Variants in CAPN14 observed in about 807,000 individuals in gnomAD.
CAPN14 encodes the protein calpain 14.
CAPN14 carries 94 observed loss-of-function variants against 101.3 expected under a neutral mutation model. That is an observed-to-expected ratio of 0.93 (90% CI 0.79 to 1.10). CAPN14 has a LOEUF of 1.10. CAPN14 is among the 50% of genes least tolerant of loss of function. The pLI is 0.00. For synonymous variants in CAPN14, 338 were observed against 317.9 expected (o/e 1.06, Z -0.67); for missense variants, 837 against 828.4 (o/e 1.01, Z -0.13).
chr2:31,197,950 A>G (rs1387831997), intron 7 of CAPN14, among the ~76,000 whole-genome samples: 1 of 152,120 alleles, frequency 6.6e-6, no homozygotes, highest in African/African-American at 2.4e-5. Flanking sequence ...AACTGAGAAA[A>G]TTAATTTCTG....
At chr2:31,212,790 A>C (rs1682465917) in intron 1 of CAPN14, among the ~76,000 whole-genome samples, 1 of 152,216 alleles carries the variant, frequency 6.6e-6, no homozygotes, top group African/African-American at 2.4e-5. Context: ...ATCAACCTAC[A>C]GGGTAGAGTC....
chr2:31,175,960 A>C (rs559773245), intron 21 of CAPN14, among the ~76,000 whole-genome samples: 3 of 152,348 alleles, frequency 2.0e-5, no homozygotes, highest in African/African-American at 4.8e-5. Context: ...AGTTTCATAC[A>C]TAAATTTGTA....
chr2:31,214,520 G>C, intron 1 of CAPN14, among the ~76,000 whole-genome samples: 1 of 152,132 alleles, frequency 6.6e-6, no homozygotes, highest in South Asian at 2.1e-4. Context: ...AGTCTCCAAA[G>C]GGAACATGCA....
At chr2:31,176,957 T>C in intron 20 of CAPN14, 69 bp downstream of exon 20, 1 of 1,158,866 alleles carries the variant, frequency 8.6e-7, no homozygotes, top group Non-Finnish European at 1.3e-6. Context: ...GTGCTTAAAC[T>C]AGGGACAGGT....
chr2:31,200,775 T>C (rs1345949417), intron 5 of CAPN14, 150 bp from the exon 6 acceptor site: 4 of 697,102 alleles, frequency 5.7e-6, no homozygotes, highest in African/African-American at 1.8e-5. Flanking sequence ...TCCAATACCA[T>C]ACCCATCCTG....
chr2:31,185,149 C>T (rs905411999), intron 16 of CAPN14, among the ~76,000 whole-genome samples: 7 of 152,152 alleles, frequency 4.6e-5, no homozygotes, highest in Admixed American at 2.0e-4. Context: ...GCCTATATTC[C>T]ATGTCTTCTT....
intron 1 of CAPN14, among the ~76,000 whole-genome samples, chr2:31,213,496 CAA>C (rs1359487111): frequency 6.6e-6 from 1 of 152,200 alleles, no homozygotes; most frequent in Non-Finnish European, 1.5e-5. Context: ...CCTTCATAGG[CAA>C]AGTTTGCTGA....
intron 15 of CAPN14, 40 bp downstream of exon 15, chr2:31,187,718 C>T (rs1233669180): frequency 1.3e-6 from 2 of 1,510,622 alleles, no homozygotes; most frequent in African/African-American, 1.4e-5. Flanking sequence ...CACTTCGTCC[C>T]CTGCTCTTCC....
intron 1 of CAPN14, among the ~76,000 whole-genome samples, chr2:31,210,878 C>G (rs904887231): frequency 6.6e-6 from 1 of 152,054 alleles, no homozygotes; most frequent in African/African-American, 2.4e-5. Context: ...ATAGGTCAAC[C>G]AAAATTTATT....
At chr2:31,225,625 G>A (rs181609782) in intron 2 of CAPN14, among the ~76,000 whole-genome samples, 2 of 152,084 alleles carry the variant, frequency 1.3e-5, no homozygotes, top group Admixed American at 6.5e-5. Flanking sequence ...CAATAATTTT[G>A]CAAATGACTT....
At position 31,230,628 on chromosome 2, in the gene CAPN14, G is replaced by A. The variant is rs895531849; in HGVS notation, c.-177+3163C>T. Among the ~76,000 whole-genome samples the A allele has an allele frequency of 6.6e-6, 1 of 152,128 alleles. No individual in the cohort carries two copies. The highest frequency in any genetic ancestry group is 6.5e-5 in the Admixed American group (1 of 15,280). ...TGCAACATGTTTTCTTGCGTTTATA[G>A]GGCATTCATGTAGCCTCTTGTAAAA... On this transcript the variant is annotated intron_variant and NMD_transcript_variant, in intron 1 of 21. Coordinates refer to the CAPN14 transcript ENST00000398824. The surrounding 1 kb of genome is among the most constrained non-coding windows in gnomAD (Gnocchi z 4.3).
At chr2:31,214,914 G>A (rs1290655058) in intron 1 of CAPN14, among the ~76,000 whole-genome samples, 1 of 152,192 alleles carries the variant, frequency 6.6e-6, no homozygotes, top group Non-Finnish European at 1.5e-5. Context: ...GTACTGACAG[G>A]ACCTCTGAGC....
chr2:31,186,576 A>C, intron 15 of CAPN14, 91 bp from the exon 16 acceptor site: 1 of 956,960 alleles, frequency 1.0e-6, no homozygotes. Flanking sequence ...ATGAAATTAA[A>C]CTGGGATTTC....
intron 9 of CAPN14, 96 bp downstream of exon 9, chr2:31,194,313 G>GA: frequency 1.2e-6 from 1 of 851,428 alleles, no homozygotes; most frequent in Non-Finnish European, 1.9e-6. Context: ...CTCTGTACAT[G>GA]AAGTTCCTGG....
chr2:31,187,973 C>A (rs1254830635), intron 14 of CAPN14, among the ~76,000 whole-genome samples, 159 bp from the exon 15 acceptor site: 2 of 152,210 alleles, frequency 1.3e-5, no homozygotes, highest in African/African-American at 2.4e-5. Flanking sequence ...ACAGCCCTTG[C>A]TTCTCCAATT....
intron 7 of CAPN14, among the ~76,000 whole-genome samples, chr2:31,199,226 A>G (rs1056392610): frequency 1.3e-5 from 2 of 152,218 alleles, no homozygotes; most frequent in Non-Finnish European, 2.9e-5. Flanking sequence ...TGTGAGGTAC[A>G]GCAGGGTGGG....
intron 12 of CAPN14, 162 bp from the exon 13 acceptor site, chr2:31,189,640 C>T (rs1253647008): frequency 1.4e-6 from 1 of 704,960 alleles, no homozygotes. Context: ...AAAGGAAAAA[C>T]CAGAATATGT....
rs1371894186 is a variant in CAPN14, at chr2:31,230,061, A to G, written c.-176-3410T>C. Reference sequence around the variant, plus strand: ...ACTTTCATTTTAGGTTCGGGGGTACATGTGAAGGTTTGTTATATAGGTAAA... The same window carrying G: ...ACTTTCATTTTAGGTTCGGGGGTACGTGTGAAGGTTTGTTATATAGGTAAA... On this transcript the variant is annotated intron_variant and NMD_transcript_variant, in intron 1 of 21. Transcript: ENST00000398824. The surrounding 1 kb of genome is among the most constrained non-coding windows in gnomAD (Gnocchi z 4.3). Among the ~76,000 whole-genome samples, 2 of 152,180 alleles carry G rather than the reference A, an allele frequency of 1.3e-5. No homozygotes were observed. The highest frequency in any genetic ancestry group is 1.5e-5 in the Non-Finnish European group (1 of 68,046).
intron 5 of CAPN14, 137 bp downstream of exon 5, chr2:31,201,725 G>C (rs1346007625): frequency 8.8e-7 from 1 of 1,140,042 alleles, no homozygotes; most frequent in Non-Finnish European, 1.2e-6. Context: ...GACTGAATAC[G>C]TTGTCACTTC....
Sources: gnomAD v4.1 joint callset for allele counts (sites outside exome capture counted in the v4.1 genomes callset) on GRCh38, gnomAD v4.1.1 for gene constraint, Gnocchi (gnomAD v3.1) non-coding constraint, MANE v1.5 for transcripts, NCBI Gene and HGNC (gene_info 2026-07-23, HGNC 2026-07-21) for gene names.